Variants in BPIFB1 observed in about 807,000 individuals in gnomAD.
The protein encoded by BPIFB1 is BPI fold containing family B member 1.
A neutral mutation model predicts 55.1 loss-of-function variants in BPIFB1; 34 were observed. That is an observed-to-expected ratio of 0.62 (90% confidence interval 0.47 to 0.82). The LOEUF (loss-of-function observed/expected upper bound fraction) is 0.82. BPIFB1 is among the 40% of genes least tolerant of loss of function. The pLI, the probability that BPIFB1 is intolerant of heterozygous loss-of-function variation, is 0.00. For missense variants in BPIFB1, 532 were observed against 593.1 expected (o/e 0.90, Z 1.07); for synonymous variants, 236 against 245.3 (o/e 0.96, Z 0.35).
intron 2 of BPIFB1, among the ~76,000 whole-genome samples, chr20:33,286,956 T>C (rs75744141): frequency 0.012 from 1,837 of 152,334 alleles, 20 homozygotes; most frequent in Non-Finnish European, 0.02. Flanking sequence ...TGGAGGCCAC[T>C]TGAGCACTTA....
Position 33,288,674 on chromosome 20 carries a change from G to C in BPIFB1, c.116-67G>C, listed in dbSNP as rs560066748. 16 of 1,572,650 alleles carry C rather than the reference G, an allele frequency of 1.0e-5. No individual in the cohort carries two copies. In the Admixed American group the frequency reaches 2.8e-4, roughly 27 times the overall value. On this transcript the variant is annotated intron_variant, in intron 2 of 15. Coordinates refer to ENST00000253354, the MANE Select transcript of BPIFB1 (RefSeq NM_033197.3). ...CTCGAGTGATACCCCTCCCCAGCCT[G>C]GAGCTCCCACCAAGCCTTCCTTCTT...
At chr20:33,298,020 C>T (rs191395543) in intron 7 of BPIFB1, among the ~76,000 whole-genome samples, 1 of 152,168 alleles carries the variant, frequency 6.6e-6, no homozygotes, top group Non-Finnish European at 1.5e-5. Context: ...GAAGCACTTA[C>T]AAATGCATGC....
In BPIFB1 at chr20:33,309,581, G is replaced by A; in HGVS notation, c.1396-127G>A. The A allele has an allele frequency of 3.6e-6, 3 of 826,452 alleles. No individual in the cohort carries two copies. The highest frequency in any genetic ancestry group is 4.0e-6 in the Non-Finnish European group (2 of 497,740). 51.2% of individuals were successfully genotyped at this position (826,452 alleles called of 1,614,324 possible). A position where few individuals can be genotyped will look rare whatever the true frequency, so the allele number is the denominator to read the frequency against. ...CCACCCCGACCCTTCTAAGAATTCT[G>A]TATTTGTGGGTTCAGGGTCATGGTC... On this transcript the variant is annotated intron_variant, in intron 15 of 15. Coordinates refer to ENST00000253354, the MANE Select transcript of BPIFB1 (RefSeq NM_033197.3). This position sits in a 1 kb window ranked among gnomAD's most constrained non-coding sequence, Gnocchi z 4.4.
In BPIFB1 at chr20:33,286,071, A is replaced by G; in HGVS notation, c.-3A>G. ...CACTTGCTGCCCTCTGACACCTGGG[A>G]AGATGGCCGGCCCGTGGACCTTCAC... On this transcript the variant is annotated 5_prime_UTR_variant, in exon 2 of 16. Coordinates refer to ENST00000253354, the MANE Select transcript of BPIFB1 (RefSeq NM_033197.3). 9.9e-6 allele frequency: 16 copies of G among 1,613,970 alleles called. No homozygotes were observed. The highest frequency in any genetic ancestry group is 1.4e-5 in the Non-Finnish European group (16 of 1,179,950).
chr20:33,296,534 G>A (rs185431341), intron 6 of BPIFB1, among the ~76,000 whole-genome samples: 1 of 152,328 alleles, frequency 6.6e-6, no homozygotes, highest in Admixed American at 6.5e-5. Flanking sequence ...GGTTAGGTCA[G>A]AGTTTCTCAG....
At chr20:33,284,597 G>A (rs1487275468) in intron 1 of BPIFB1, among the ~76,000 whole-genome samples, 6 of 152,260 alleles carry the variant, frequency 3.9e-5, no homozygotes, top group Non-Finnish European at 7.3e-5. Context: ...CATGTCATCC[G>A]GATGCCACAT....
intron 2 of BPIFB1, among the ~76,000 whole-genome samples, chr20:33,286,558 C>T (rs1980271954): frequency 6.6e-6 from 1 of 152,238 alleles, no homozygotes; most frequent in African/African-American, 2.4e-5. Context: ...AGCAGAGACC[C>T]TTGACTGCAA....
At chr20:33,298,288 T>G (rs1489270752) in intron 7 of BPIFB1, among the ~76,000 whole-genome samples, 1 of 152,102 alleles carries the variant, frequency 6.6e-6, no homozygotes, top group Admixed American at 6.5e-5. Context: ...TCAGAGATGA[T>G]TCGAAGGGCA....
At position 33,288,836 on chromosome 20, in the gene BPIFB1, C is replaced by A. The variant is rs1007738173; in HGVS notation, c.211C>A (p.Pro71Thr). 1.2e-6 allele frequency: 2 copies of A among 1,613,938 alleles called. No individual in the cohort carries two copies. The highest frequency in any genetic ancestry group is 1.7e-6 in the Non-Finnish European group (2 of 1,180,014). The change falls in exon 3 of 16, where the codon CCT becomes ACT. Residue 71 changes from proline to threonine, a missense_variant. Transcript: ENST00000253354. ...GCGGGAAAAGCCAGCCGGAGGCATC[C>A]CTGTGCTGGGCAGCCTGGTGAACAC... is the stretch of plus-strand genomic sequence containing the variant. ...AMREKPAGGIPVLGSLVNTVL... is the reference protein window; with the variant it reads ...AMREKPAGGITVLGSLVNTVL...
chr20:33,291,929 T>C lies in BPIFB1; in HGVS notation c.538T>C (p.Leu180=). ...LHKLSFLVNA[L]AKQVMNLLVP... is the part of the protein sequence containing the mutation. ...AAGGCTCTCCTTCCTGGTGAACGCCTTAGCTAAGCAGGTCATGAACCTCCT... is the reference window on the plus strand; with the variant it reads ...AAGGCTCTCCTTCCTGGTGAACGCCCTAGCTAAGCAGGTCATGAACCTCCT... The change falls in exon 6 of 16, where the codon TTA becomes CTA. Residue 180 remains leucine (L), a synonymous_variant. Coordinates refer to ENST00000253354, the MANE Select transcript of BPIFB1 (RefSeq NM_033197.3). The C allele has an allele frequency of 6.2e-7, 1 of 1,614,198 alleles. No homozygotes were observed. The highest frequency in any genetic ancestry group is 1.1e-5 in the South Asian group (1 of 91,084).
At chr20:33,305,011 C>A in intron 13 of BPIFB1, 120 bp downstream of exon 13, 1 of 1,130,244 alleles carries the variant, frequency 8.8e-7, no homozygotes, top group Non-Finnish European at 1.3e-6. Context: ...CCATGGGGGG[C>A]TGGCCGGTCT....
At chr20:33,292,021 G>C (rs1276268586) in intron 6 of BPIFB1, 33 bp downstream of exon 6, 1 of 1,596,874 alleles carries the variant, frequency 6.3e-7, no homozygotes, top group Non-Finnish European at 8.6e-7. Flanking sequence ...TGGCCTGTGG[G>C]CATTGCGCCC....
intron 6 of BPIFB1, among the ~76,000 whole-genome samples, chr20:33,292,297 TC>T (rs1254413737): frequency 6.6e-6 from 1 of 152,152 alleles, no homozygotes; most frequent in Non-Finnish European, 1.5e-5. Flanking sequence ...TTTGCGGATT[TC>T]CCTGGTGGAA....
intron 1 of BPIFB1, among the ~76,000 whole-genome samples, chr20:33,285,207 G>A (rs1034814737): frequency 2.6e-5 from 4 of 152,108 alleles, no homozygotes; most frequent in Non-Finnish European, 5.9e-5. Context: ...GCAAGGAAGA[G>A]CAAGAGCAAA....
intron 10 of BPIFB1, 162 bp downstream of exon 10, chr20:33,302,574 A>G: frequency 3.9e-6 from 3 of 765,154 alleles, no homozygotes; most frequent in Non-Finnish European, 6.7e-6. Flanking sequence ...GGCCAGTTTG[A>G]CCTGAAGCAA....
Position 33,291,060 on chromosome 20 carries a change from G to A in BPIFB1, c.469G>A (p.Asp157Asn). ...ASGPTRLVLSDCATSHGSLRI... is the reference protein window; with the variant it reads ...ASGPTRLVLSNCATSHGSLRI... ...TGGCCCCACCCGCCTGGTCCTCAGT[G>A]ACTGTGCCACCAGCCATGGGAGCCT... The change falls in exon 5 of 16, where the codon GAC (aspartate) becomes AAC (asparagine). Residue 157 changes from aspartate (D) to asparagine (N), a missense_variant. Coordinates refer to ENST00000253354, the MANE Select transcript of BPIFB1 (RefSeq NM_033197.3). 1 of 1,613,388 alleles carries A rather than the reference G, an allele frequency of 6.2e-7. No individual in the cohort carries two copies. The highest frequency in any genetic ancestry group is 8.5e-7 in the Non-Finnish European group (1 of 1,180,008).
intron 15 of BPIFB1, chr20:33,307,239 T>TTGGAAA: frequency 2.1e-6 from 1 of 487,296 alleles, no homozygotes. Flanking sequence ...ATTCATTCAG[T>TTGGAAA]AATTCACTAA....
chr20:33,297,451 G>T (rs532224289), intron 6 of BPIFB1, 74 bp from the exon 7 acceptor site: 924 of 1,513,242 alleles, frequency 6.1e-4, no homozygotes, highest in Non-Finnish European at 8.0e-4. Flanking sequence ...AGGTGGGCTG[G>T]GCACAGCCCG....
chr20:33,283,643 A>G (rs1360172418), intron 1 of BPIFB1, among the ~76,000 whole-genome samples: 2 of 152,162 alleles, frequency 1.3e-5, no homozygotes, highest in East Asian at 1.9e-4. Flanking sequence ...ACCCAGGGAC[A>G]TGGGAGTGGA....
Sources: gnomAD v4.1 joint callset for allele counts (sites outside exome capture counted in the v4.1 genomes callset) on GRCh38, gnomAD v4.1.1 for gene constraint, Gnocchi (gnomAD v3.1) non-coding constraint, MANE v1.5 for transcripts, NCBI Gene and HGNC (gene_info 2026-07-23, HGNC 2026-07-21) for gene names.